Variants in SMAD3 observed in about 807,000 individuals in gnomAD.
SMAD3 encodes SMAD family member 3.
In SMAD3, 12 loss-of-function variants were observed where a neutral mutation model predicts 51.8. The observed-to-expected ratio is 0.23, with a 90% CI of 0.15 to 0.38. SMAD3 has a LOEUF of 0.38. Ranked by LOEUF, SMAD3 falls within the 10% of genes least tolerant of loss-of-function variation. SMAD3 has a pLI of 1.00. For synonymous variants in SMAD3, 238 were observed against 227.7 expected (o/e 1.05, Z -0.41); for missense variants, 294 against 565.6 (o/e 0.52, Z 4.87).
chr15:67,168,190 G>A (rs1962643201), intron 4 of SMAD3, among the ~76,000 whole-genome samples: 1 of 152,212 alleles, frequency 6.6e-6, no homozygotes, highest in Non-Finnish European at 1.5e-5. Context: ...CCTGACCTCA[G>A]GTGATCTGCC....
At chr15:67,187,644 G>GC in intron 8 of SMAD3, 135 bp downstream of exon 8, 1 of 1,154,120 alleles carries the variant, frequency 8.7e-7, no homozygotes, top group South Asian at 1.3e-5. Flanking sequence ...TCAGAGAGAG[G>GC]CCAAGGCCTG....
intron 1 of SMAD3, among the ~76,000 whole-genome samples, chr15:67,084,070 CTTTTTTT>C (rs56675753): frequency 1.2e-3 from 99 of 85,076 alleles, no homozygotes; most frequent in East Asian, 5.8e-3. Context: ...CTTTTTTTTT[CTTTTTTT>C]TTTTTTTTTT....
At chr15:67,120,633 T>G (rs1014635453) in intron 1 of SMAD3, among the ~76,000 whole-genome samples, 2 of 152,160 alleles carry the variant, frequency 1.3e-5, no homozygotes, top group Non-Finnish European at 2.9e-5. Flanking sequence ...GAACACTCCG[T>G]GGAGAGTGTG....
At chr15:67,090,258 A>C (rs1197137484) in intron 1 of SMAD3, among the ~76,000 whole-genome samples, 1 of 152,158 alleles carries the variant, frequency 6.6e-6, no homozygotes, top group African/African-American at 2.4e-5. Flanking sequence ...TGGGAAGAGC[A>C]GGGAGTCTCG....
At chr15:67,117,582 G>A (rs1329554325) in intron 1 of SMAD3, among the ~76,000 whole-genome samples, 1 of 152,088 alleles carries the variant, frequency 6.6e-6, no homozygotes, top group Non-Finnish European at 1.5e-5. Context: ...CGACTCTGGT[G>A]GGTGTGAGGA....
chr15:67,085,603 A>G (rs995126223), intron 1 of SMAD3, among the ~76,000 whole-genome samples: 1 of 152,044 alleles, frequency 6.6e-6, no homozygotes, highest in African/African-American at 2.4e-5. Flanking sequence ...ATGATTTGCA[A>G]TTGGTTGTTG....
chr15:67,159,814 A>G (rs1381101997), intron 1 of SMAD3, among the ~76,000 whole-genome samples: 1 of 152,256 alleles, frequency 6.6e-6, no homozygotes, highest in Non-Finnish European at 1.5e-5. Flanking sequence ...TTCACGCAGC[A>G]TCATTAATTT....
chr15:67,176,780 G>A (rs3784679), intron 5 of SMAD3, among the ~76,000 whole-genome samples: 25,967 of 152,194 alleles, frequency 0.17, 2,823 homozygotes, highest in East Asian at 0.31. Context: ...CCACACTGGT[G>A]GGGGAGGGGG....
At chr15:67,157,512 G>A (rs190178339) in intron 1 of SMAD3, among the ~76,000 whole-genome samples, 6 of 152,338 alleles carry the variant, frequency 3.9e-5, no homozygotes, top group Admixed American at 6.5e-5. Context: ...GGGTGTTGCC[G>A]TTTCTGCGTG....
At chr15:67,145,031 G>A (rs1357148217) in intron 1 of SMAD3, among the ~76,000 whole-genome samples, 1 of 152,190 alleles carries the variant, frequency 6.6e-6, no homozygotes, top group Non-Finnish European at 1.5e-5. Flanking sequence ...TCCCCAGCCA[G>A]AGAGCCAGGG....
In SMAD3 at chr15:67,065,774, G is replaced by A; in HGVS notation, c.-381G>A. ...AGCGAGGCGAGCGAAGTTTGGCCGGGGGTTGGACTTTCCTTCCCGGAGGCG... is the reference window on the plus strand; with the variant it reads ...AGCGAGGCGAGCGAAGTTTGGCCGGAGGTTGGACTTTCCTTCCCGGAGGCG... On this transcript the variant is annotated 5_prime_UTR_variant, in exon 1 of 9. Coordinates refer to ENST00000327367, the MANE Select transcript of SMAD3 (RefSeq NM_005902.4). 1 of 201,586 alleles carries A rather than the reference G, an allele frequency of 5.0e-6. No homozygotes were observed. The highest frequency in any genetic ancestry group is 7.3e-5 in the East Asian group (1 of 13,770). The allele number at this position is 201,586 out of a possible 1,614,324, so 12.5% of individuals were successfully genotyped here.
intron 1 of SMAD3, among the ~76,000 whole-genome samples, chr15:67,137,510 A>G (rs1435937705): frequency 6.6e-6 from 1 of 152,164 alleles, no homozygotes; most frequent in Non-Finnish European, 1.5e-5. Context: ...AAAATTTTGC[A>G]TATCTGAGTT....
intron 1 of SMAD3, among the ~76,000 whole-genome samples, chr15:67,156,442 G>A (rs568660120): frequency 9.8e-5 from 15 of 152,304 alleles, no homozygotes; most frequent in African/African-American, 3.6e-4. Context: ...CTGGGCATAG[G>A]GGTATGCCCC....
intron 7 of SMAD3, among the ~76,000 whole-genome samples, chr15:67,185,472 T>C (rs1252273696): frequency 6.6e-6 from 1 of 151,954 alleles, no homozygotes; most frequent in African/African-American, 2.4e-5. Flanking sequence ...CCTGAGGTAA[T>C]GGAGGGCAGG....
rs558453727 is a variant in SMAD3 at position 67,164,264 on chromosome 15, G to A, written c.207-631G>A. The stretch of plus-strand genomic sequence containing the variant: ...CGGGAGGCAGAGCTTGCAGTGAGCC[G>A]AGATGGCGCCACTACACTCCAGCCT... On this transcript the variant is annotated intron_variant, in intron 1 of 8. Coordinates refer to ENST00000327367, the MANE Select transcript of SMAD3 (RefSeq NM_005902.4). Among the ~76,000 whole-genome samples, 5 of 140,024 alleles carry A rather than the reference G, an allele frequency of 3.6e-5. No homozygotes were observed. In the East Asian group the frequency reaches 8.9e-4, roughly 25 times the overall value. The allele number at this position is 140,024 out of a possible 152,430, so 91.9% of individuals were successfully genotyped here. A position where few individuals can be genotyped will look rare whatever the true frequency, so the allele number is the denominator to read the frequency against.
At chr15:67,087,253 C>T (rs1289326884) in intron 1 of SMAD3, among the ~76,000 whole-genome samples, 1 of 152,176 alleles carries the variant, frequency 6.6e-6, no homozygotes, top group Non-Finnish European at 1.5e-5. Flanking sequence ...TCACTGGCAG[C>T]AAGAATGACT....
chr15:67,183,060 G>A (rs1392238069), intron 6 of SMAD3, among the ~76,000 whole-genome samples: 1 of 108,550 alleles, frequency 9.2e-6, no homozygotes, highest in Admixed American at 1.1e-4. Flanking sequence ...TTGGAGCGGG[G>A]AGACCAAGTC....
chr15:67,168,233 C>T (rs1018625341), intron 4 of SMAD3, among the ~76,000 whole-genome samples: 6 of 152,334 alleles, frequency 3.9e-5, no homozygotes, highest in East Asian at 3.9e-4. Context: ...GGGATTACAC[C>T]GCACCTGGCT....
chr15:67,089,177 G>A (rs943128466), intron 1 of SMAD3, among the ~76,000 whole-genome samples: 14 of 152,206 alleles, frequency 9.2e-5, no homozygotes, highest in Non-Finnish European at 7.4e-5. Flanking sequence ...TTCTGAAGAG[G>A]CCAGGCTAGG....
Sources: allele counts gnomAD v4.1 joint callset (sites outside exome capture counted in the v4.1 genomes callset), GRCh38; gene constraint gnomAD v4.1.1; transcripts MANE v1.5; gene names NCBI Gene and HGNC (gene_info 2026-07-23, HGNC 2026-07-21).